The following DISC1 variants were observed in gnomAD, a reference collection of about 807,000 sequenced individuals.
DISC1 encodes the protein DISC1 scaffold protein.
Under a neutral mutation model 84.5 loss-of-function variants are expected in DISC1, and 57 were observed. The observed-to-expected ratio is 0.67, with a 90% confidence interval of 0.55 to 0.84. DISC1 has a LOEUF of 0.84. DISC1 is among the 40% of genes least tolerant of loss of function. The pLI is 0.00. For missense variants in DISC1, 1,000 were observed against 1,057.8 expected (o/e 0.95, Z 0.76); for synonymous variants, 411 against 415.2 (o/e 0.99, Z 0.12).
chr1:231,662,686 C>G (rs1312954635), intron 1 of DISC1, among the ~76,000 whole-genome samples: 2 of 152,244 alleles, frequency 1.3e-5, no homozygotes, highest in Non-Finnish European at 2.9e-5. Context: ...CAGGCAGATT[C>G]CAGCCTGTTG....
At chr1:231,822,732 C>T (rs902337925) in intron 9 of DISC1, among the ~76,000 whole-genome samples, 6 of 152,164 alleles carry the variant, frequency 3.9e-5, no homozygotes, top group African/African-American at 1.4e-4. Context: ...CACAGTTTTG[C>T]AGGCTGTCTA....
chr1:232,035,873 G>A (rs77360551), intron 12 of DISC1, among the ~76,000 whole-genome samples: 1,776 of 152,222 alleles, frequency 0.012, 18 homozygotes, highest in Non-Finnish European at 0.018. Context: ...ACGAGAACCC[G>A]TTTCTTAAGA....
At chr1:231,756,516 CGAGAGAGAGAGAGAGAGAGAGAGAGAGA>C (rs60818301) in intron 4 of DISC1, among the ~76,000 whole-genome samples, 25 of 133,442 alleles carry the variant, frequency 1.9e-4, no homozygotes, top group Middle Eastern at 3.4e-3. Flanking sequence ...ATGTGAATAT[CGAGAGAGAGAGAGAGAGAGAGAGAGAGA>C]GAGAGAGAGA....
chr1:231,972,432 T>C (rs1229442313), intron 10 of DISC1, among the ~76,000 whole-genome samples: 3 of 152,198 alleles, frequency 2.0e-5, no homozygotes, highest in Admixed American at 1.3e-4. Flanking sequence ...CAAGTGTAAC[T>C]GTATGATTTC....
intron 1 of DISC1, among the ~76,000 whole-genome samples, chr1:231,669,838 G>C (rs878946656): frequency 2.6e-5 from 4 of 151,850 alleles, no homozygotes; most frequent in Non-Finnish European, 5.9e-5. Context: ...CTAAAGACAG[G>C]AATATCATTT....
rs185111467 is a variant in DISC1 at position 231,732,879 on chromosome 1, C to A, written c.1118-17047C>A. On this transcript the variant is annotated intron_variant, in intron 3 of 12. Coordinates refer to ENST00000439617, the MANE Select transcript of DISC1 (RefSeq NM_018662.3). ...AGTGGTCGTGGTGCTGATGATAGTA[C>A]GTGTGAGAGATGAGTTGGTGGTGTA... Among the ~76,000 whole-genome samples, 104 of 96,582 alleles carry A rather than the reference C, an allele frequency of 1.1e-3. 1 individual carries two copies. Among genetic ancestry groups the A allele is most frequent in the African/African-American group, 4.3e-3 (103 of 24,076 alleles). The allele number at this position is 96,582 out of a possible 152,430, so 63.4% of individuals were successfully genotyped here.
At chr1:231,912,785 C>A (rs1280647464) in intron 9 of DISC1, among the ~76,000 whole-genome samples, 1 of 144,336 alleles carries the variant, frequency 6.9e-6, no homozygotes, top group African/African-American at 2.6e-5. Flanking sequence ...TTCTTTCTTT[C>A]TTTCTTTCTT....
At chr1:231,799,543 A>C (rs1206601435) in intron 7 of DISC1, among the ~76,000 whole-genome samples, 1 of 151,864 alleles carries the variant, frequency 6.6e-6, no homozygotes, top group Non-Finnish European at 1.5e-5. Context: ...GGAGGTTGCT[A>C]TTTTGGGTGG....
chr1:231,626,845 G>C lies in DISC1; in HGVS notation c.-23G>C. The C allele has an allele frequency of 3.5e-6, 5 of 1,435,670 alleles. No homozygotes were observed. Among genetic ancestry groups the C allele is most frequent in the Non-Finnish European group, 4.5e-6 (5 of 1,106,378 alleles). 88.9% of individuals were successfully genotyped at this position (1,435,670 alleles called of 1,614,324 possible). A position where few individuals can be genotyped will look rare whatever the true frequency, so the allele number is the denominator to read the frequency against. On this transcript the variant is annotated 5_prime_UTR_variant, in exon 1 of 13. Coordinates refer to ENST00000439617, the MANE Select transcript of DISC1 (RefSeq NM_018662.3). Reference sequence around the variant, plus strand: ...GAGCAGGAGGCAGCCCAGGCGGAGCGGGAGGAGCTGGCAGCGGGGCGCATG... The same window carrying C: ...GAGCAGGAGGCAGCCCAGGCGGAGCCGGAGGAGCTGGCAGCGGGGCGCATG...
chr1:231,662,915 AT>A (rs2061678184), intron 1 of DISC1, among the ~76,000 whole-genome samples: 1 of 152,196 alleles, frequency 6.6e-6, no homozygotes, highest in Admixed American at 6.5e-5. Flanking sequence ...ATACTGTAAG[AT>A]ATAAAGGAGG....
At chr1:231,818,839 A>C in intron 9 of DISC1, 1 of 1,140,642 alleles carries the variant, frequency 8.8e-7, no homozygotes, top group Non-Finnish European at 1.1e-6. Context: ...TGTGACAATT[A>C]TCTTCCTTTT....
intron 3 of DISC1, among the ~76,000 whole-genome samples, chr1:231,705,606 C>T (rs113410279): frequency 1.8e-4 from 28 of 152,070 alleles, no homozygotes; most frequent in African/African-American, 6.5e-4. Context: ...TTGGACTTGT[C>T]AGTGATTGGT....
intron 1 of DISC1, among the ~76,000 whole-genome samples, chr1:231,628,224 C>A (rs1049734444): frequency 6.6e-6 from 1 of 152,150 alleles, no homozygotes; most frequent in Non-Finnish European, 1.5e-5. Flanking sequence ...TGCCACAGAG[C>A]AAAAAGAACC....
At chr1:231,744,893 T>C (rs1212915435) in intron 3 of DISC1, among the ~76,000 whole-genome samples, 1 of 152,150 alleles carries the variant, frequency 6.6e-6, no homozygotes, top group African/African-American at 2.4e-5. Context: ...ATCTACAGAA[T>C]CCTTCTCTCA....
At chr1:231,765,532 T>G (rs2076110685) in intron 4 of DISC1, among the ~76,000 whole-genome samples, 1 of 152,216 alleles carries the variant, frequency 6.6e-6, no homozygotes, top group Admixed American at 6.5e-5. Flanking sequence ...TAGTTTTAGT[T>G]GATGGTGTTT....
chr1:231,818,768 A>C (rs1173003632), intron 9 of DISC1: 1 of 1,344,200 alleles, frequency 7.4e-7, no homozygotes, highest in Non-Finnish European at 9.6e-7. Context: ...TGTGTTTGCT[A>C]ATAGCCTTGT....
In DISC1 at chr1:231,826,116, G is replaced by A. The variant is rs1470938460; in HGVS notation, c.1981+7599G>A. 1.3e-5 allele frequency among the ~76,000 whole-genome samples: 2 copies of A among 152,138 alleles called. No individual in the cohort carries two copies. Among genetic ancestry groups the A allele is most frequent in the African/African-American group, 4.8e-5 (2 of 41,424 alleles). On this transcript the variant is annotated intron_variant, in intron 9 of 12. Coordinates refer to ENST00000439617, the MANE Select transcript of DISC1 (RefSeq NM_018662.3). The surrounding 1 kb of genome is among the most constrained non-coding windows in gnomAD (Gnocchi z 4.2). ...CTGTGCTAAGACTTGACATACTTTA[G>A]TCATCTCATCCTCTGGACCACTGTG...
intron 9 of DISC1, among the ~76,000 whole-genome samples, chr1:231,951,608 A>T (rs549423481): frequency 6.6e-6 from 1 of 152,222 alleles, no homozygotes; most frequent in African/African-American, 2.4e-5. Context: ...TCTGAGAATG[A>T]CTGCTGCTTT....
rs1028057285 is a variant in DISC1, at chr1:231,675,228, C to T, written c.68-18598C>T. Reference sequence around the variant, plus strand: ...CTTATTGGTCCTTAGGCTACTCCCGCCCGCAAAGTGTAGCGCTGTCTTGGT... The same window carrying T: ...CTTATTGGTCCTTAGGCTACTCCCGTCCGCAAAGTGTAGCGCTGTCTTGGT... On this transcript the variant is annotated intron_variant, in intron 1 of 12. Coordinates refer to ENST00000439617, the MANE Select transcript of DISC1 (RefSeq NM_018662.3). This position sits in a 1 kb window ranked among gnomAD's most constrained non-coding sequence, Gnocchi z 4.1. Among the ~76,000 whole-genome samples the T allele has an allele frequency of 4.6e-5, 7 of 152,016 alleles. No individual in the cohort carries two copies. Among genetic ancestry groups the T allele is most frequent in the Admixed American group, 1.3e-4 (2 of 15,264 alleles).
Sources: allele counts gnomAD v4.1 joint callset (sites outside exome capture counted in the v4.1 genomes callset), GRCh38; gene constraint gnomAD v4.1.1; non-coding constraint Gnocchi (gnomAD v3.1); transcripts MANE v1.5; gene names NCBI Gene and HGNC (gene_info 2026-07-23, HGNC 2026-07-21).